Variants in SLC37A1 observed in about 807,000 individuals in gnomAD.
SLC37A1 encodes the protein solute carrier family 37 member 1, also known as glucose-6-phosphate exchanger SLC37A1.
In SLC37A1, 49 loss-of-function variants were observed where a neutral mutation model predicts 75.3. The observed-to-expected ratio is 0.65, with a 90% CI of 0.52 to 0.83. The LOEUF (loss-of-function observed/expected upper bound fraction) is 0.83. Among genes scored for constraint, SLC37A1 ranks in the 40% least tolerant of loss-of-function variants. The pLI is 0.00. For missense variants in SLC37A1, 566 were observed against 695.0 expected (o/e 0.81, Z 2.09); for synonymous variants, 268 against 292.1 (o/e 0.92, Z 0.84).
chr21:42,540,581 G>A (rs1037290114), intron 6 of SLC37A1, among the ~76,000 whole-genome samples: 2 of 152,266 alleles, frequency 1.3e-5, no homozygotes, highest in South Asian at 2.1e-4. Context: ...GACAGCGCGC[G>A]CTGGCTTTGC....
chr21:42,537,998 C>A (rs2055183685), intron 5 of SLC37A1, among the ~76,000 whole-genome samples: 1 of 152,194 alleles, frequency 6.6e-6, no homozygotes. Context: ...GGACTTGAAT[C>A]CCTGTATGAG....
chr21:42,566,595 T>G lies in SLC37A1; in HGVS notation c.1271-390T>G, dbSNP rs2055984513. On this transcript the variant is annotated intron_variant, in intron 15 of 19. Coordinates refer to ENST00000352133, the MANE Select transcript of SLC37A1 (RefSeq NM_001320537.2). ...TGTGACCCCCCCTCAGGCCAGAAGCTTCCTCACCTGAGTGTGAGCCTAGAG... is the reference window on the plus strand; with the variant it reads ...TGTGACCCCCCCTCAGGCCAGAAGCGTCCTCACCTGAGTGTGAGCCTAGAG... 5.3e-5 allele frequency among the ~76,000 whole-genome samples: 8 copies of G among 152,140 alleles called. No homozygotes were observed. In the South Asian group the frequency reaches 1.7e-3, roughly 32 times the overall value.
At chr21:42,534,882 T>G (rs1249543616) in intron 4 of SLC37A1, 52 bp downstream of exon 4, 2 of 1,588,568 alleles carry the variant, frequency 1.3e-6, no homozygotes, top group African/African-American at 1.3e-5. Flanking sequence ...CCTTCCAGCC[T>G]TGCTATTAAT....
At chr21:42,574,725 A>C in intron 17 of SLC37A1, 93 bp from the exon 18 acceptor site, 1 of 1,173,214 alleles carries the variant, frequency 8.5e-7, no homozygotes, top group Non-Finnish European at 1.2e-6. Flanking sequence ...TTTCATTGTG[A>C]GTGAGGTGTT....
At chr21:42,529,997 A>G (rs778015754) in intron 3 of SLC37A1, among the ~76,000 whole-genome samples, 1 of 152,260 alleles carries the variant, frequency 6.6e-6, no homozygotes, top group Non-Finnish European at 1.5e-5. Flanking sequence ...GAATATCTTC[A>G]TAAGCATCTT....
chr21:42,561,800 T>C, intron 11 of SLC37A1: 1 of 417,104 alleles, frequency 2.4e-6, no homozygotes, highest in East Asian at 3.8e-5. Flanking sequence ...GCACCCCATG[T>C]GACAGTGGCC....
Position 42,559,036 on chromosome 21 carries a change from G to T in SLC37A1, c.928G>T (p.Asp310Tyr). 6.2e-7 allele frequency: 1 copy of T among 1,613,844 alleles called. No homozygotes were observed. Among genetic ancestry groups the T allele is most frequent in the Non-Finnish European group, 8.5e-7 (1 of 1,179,930 alleles). ...GAACCACGTCGTCATTCTCCCCGGG[G>T]ACGGTGGGAGTGGCACGGCCGCCAT... is the stretch of plus-strand genomic sequence containing the variant. ...HPNHVVILPGDGGSGTAAISF... is the reference protein window; with the variant it reads ...HPNHVVILPGYGGSGTAAISF... Residue 310 changes from aspartate to tyrosine, a missense_variant, in exon 11 of 20, where the codon GAC becomes TAC. Coordinates refer to ENST00000352133, the MANE Select transcript of SLC37A1 (RefSeq NM_001320537.2).
Position 42,514,935 on chromosome 21 carries a change from T to G in SLC37A1, c.-179+218T>G, listed in dbSNP as rs1003502948. The G allele has an allele frequency of 1.3e-5, 2 of 152,396 alleles. No homozygotes were observed. Among genetic ancestry groups the G allele is most frequent in the Non-Finnish European group, 2.9e-5 (2 of 68,170 alleles). 9.4% of individuals were successfully genotyped at this position (152,396 alleles called of 1,614,324 possible). A position where few individuals can be genotyped will look rare whatever the true frequency, so the allele number is the denominator to read the frequency against. ...CTTGAACTTAAATCGTCTGAAGTTG[T>G]GTAAGTGGATAAATATTTTAGACTT... On this transcript the variant is annotated intron_variant, in intron 1 of 19. Transcript: ENST00000352133. This position sits in a 1 kb window ranked among gnomAD's most constrained non-coding sequence, Gnocchi z 4.8.
At chr21:42,550,104 G>A (rs571536008) in intron 9 of SLC37A1, among the ~76,000 whole-genome samples, 2 of 152,310 alleles carry the variant, frequency 1.3e-5, no homozygotes, top group African/African-American at 4.8e-5. Flanking sequence ...GAAACAAAAT[G>A]TACTATACCA....
intron 7 of SLC37A1, among the ~76,000 whole-genome samples, 185 bp downstream of exon 7, chr21:42,542,665 G>A (rs376036337): frequency 1.3e-5 from 2 of 152,258 alleles, no homozygotes; most frequent in Non-Finnish European, 2.9e-5. Flanking sequence ...GGGGAGCTCC[G>A]CCCTCCCACT....
chr21:42,556,475 C>A (rs2055694306), intron 10 of SLC37A1, among the ~76,000 whole-genome samples: 1 of 152,220 alleles, frequency 6.6e-6, no homozygotes. Context: ...GTGAGCTTAG[C>A]ATTTTTAGAT....
chr21:42,541,930 G>A (rs1241139071), intron 6 of SLC37A1, among the ~76,000 whole-genome samples: 1 of 152,006 alleles, frequency 6.6e-6, no homozygotes, highest in Non-Finnish European at 1.5e-5. Flanking sequence ...TTGTAGACAA[G>A]GGGGTCTCTC....
At chr21:42,528,428 C>T (rs2054856765) in intron 3 of SLC37A1, among the ~76,000 whole-genome samples, 1 of 152,230 alleles carries the variant, frequency 6.6e-6, no homozygotes, top group Non-Finnish European at 1.5e-5. Flanking sequence ...AAAGCAGAGG[C>T]TTCCCGGAGA....
chr21:42,537,509 A>G (rs948400054), intron 5 of SLC37A1, among the ~76,000 whole-genome samples: 2 of 152,164 alleles, frequency 1.3e-5, no homozygotes, highest in Non-Finnish European at 2.9e-5. Flanking sequence ...TTTGTCTCCT[A>G]GGGGACATTT....
intron 1 of SLC37A1, among the ~76,000 whole-genome samples, chr21:42,502,006 T>C (rs2054346292): frequency 6.6e-6 from 1 of 152,192 alleles, no homozygotes; most frequent in Non-Finnish European, 1.5e-5. Context: ...AGGCTCCCCC[T>C]ACCCAACTTA....
intron 2 of SLC37A1, among the ~76,000 whole-genome samples, chr21:42,519,937 T>TTCTC (rs1469894594): frequency 6.6e-6 from 1 of 151,982 alleles, no homozygotes; most frequent in African/African-American, 2.4e-5. Context: ...CCTCATCTGC[T>TTCTC]TCTCTCCCTG....
intron 10 of SLC37A1, among the ~76,000 whole-genome samples, chr21:42,558,253 A>G (rs763302180): frequency 2.6e-5 from 4 of 152,248 alleles, no homozygotes; most frequent in Admixed American, 6.5e-5. Context: ...CGTCTAGACA[A>G]TCAGAATTCA....
intron 14 of SLC37A1, 66 bp downstream of exon 14, chr21:42,564,859 G>GCC: frequency 2.1e-6 from 3 of 1,453,534 alleles, no homozygotes; most frequent in Non-Finnish European, 1.9e-6. Context: ...CTCCTCGCCA[G>GCC]CCAGCATCCT....
At chr21:42,522,670 G>A (rs577594598) in intron 2 of SLC37A1, among the ~76,000 whole-genome samples, 18 of 152,330 alleles carry the variant, frequency 1.2e-4, no homozygotes, top group Admixed American at 3.9e-4. Context: ...TAAATACAGC[G>A]TTTTCCTCTT....
Sources: allele counts gnomAD v4.1 joint callset (sites outside exome capture counted in the v4.1 genomes callset), GRCh38; gene constraint gnomAD v4.1.1; non-coding constraint Gnocchi (gnomAD v3.1); transcripts MANE v1.5; gene names NCBI Gene and HGNC (gene_info 2026-07-23, HGNC 2026-07-21).